NLGN4Y: variants seen among roughly 807,000 people sequenced by gnomAD.
NLGN4Y encodes the protein neuroligin-4, Y-linked.
In NLGN4Y, 4 loss-of-function variants were observed where a neutral mutation model predicts 8.4. The ratio of observed to expected loss-of-function variants is 0.48; its 90% CI spans 0.23 to 1.09. The LOEUF (loss-of-function observed/expected upper bound fraction) is 1.09. Ranked by LOEUF, NLGN4Y falls within the 50% of genes least tolerant of loss-of-function variation. The pLI, the probability that NLGN4Y is intolerant of heterozygous loss-of-function variation, is 0.19. For synonymous variants in NLGN4Y, 35 were observed against 75.6 expected, an observed-to-expected ratio of 0.46 and a Z score of 2.78; for missense variants, 90 against 192.3, an observed-to-expected ratio of 0.47 and a Z score of 3.15.
chrY:14,829,893 G>A lies in NLGN4Y; in HGVS notation c.1035G>A (p.Glu345=). Residue 345 remains glutamate, a synonymous_variant, in exon 6 of 7, where the codon GAG becomes GAA. Coordinates refer to ENST00000684976, the MANE Select transcript of NLGN4Y (RefSeq NM_001365588.1). The part of the protein sequence containing the change: ...VECLKNKNYK[E]LIQQTITPAT... ...GTCTGAAGAACAAGAACTACAAGGAGCTCATCCAGCAGACCATCACCCCGG... is the reference window on the plus strand; with the variant it reads ...GTCTGAAGAACAAGAACTACAAGGAACTCATCCAGCAGACCATCACCCCGG... 1 of 398,946 alleles carries A rather than the reference G, an allele frequency of 2.5e-6. No individual in the cohort carries two copies. Among genetic ancestry groups the A allele is most frequent in the Non-Finnish European group, 3.5e-6 (1 of 283,742 alleles).
chrY:14,717,104 C>G, intron 2 of NLGN4Y, among the ~76,000 whole-genome samples: 1 of 33,512 alleles, frequency 3.0e-5, no homozygotes, highest in Non-Finnish European at 7.4e-5. Context: ...CAAAAATTAA[C>G]CAGGGGCGGC....
intron 4 of NLGN4Y, among the ~76,000 whole-genome samples, chrY:14,754,898 G>T: frequency 3.1e-5 from 1 of 32,645 alleles, no homozygotes; most frequent in African/African-American, 1.2e-4. Context: ...TTTCTCACCA[G>T]TGTGCTTTGC....
chrY:14,639,024 G>A, intron 2 of NLGN4Y: 7 of 56,775 alleles, frequency 1.2e-4, no homozygotes, highest in South Asian at 9.6e-4. Context: ...TATGATTAGC[G>A]TCCTTGTAAG....
chrY:14,736,208 G>A (rs919959300), intron 4 of NLGN4Y, among the ~76,000 whole-genome samples: 1 of 33,484 alleles, frequency 3.0e-5, no homozygotes, highest in Non-Finnish European at 7.4e-5. Flanking sequence ...GAGACATGGA[G>A]TCAAAGAAGA....
intron 4 of NLGN4Y, among the ~76,000 whole-genome samples, chrY:14,814,622 C>T (rs2043094284): frequency 3.0e-5 from 1 of 32,996 alleles, no homozygotes; most frequent in African/African-American, 1.2e-4. Flanking sequence ...TTCCTGTAAA[C>T]ACTGGATGGC....
intron 2 of NLGN4Y, among the ~76,000 whole-genome samples, chrY:14,652,012 T>G (rs1603502066): frequency 3.0e-5 from 1 of 33,146 alleles, no homozygotes; most frequent in South Asian, 6.6e-4. Context: ...AATAGATTTA[T>G]AAGGTATCTA....
intron 2 of NLGN4Y, among the ~76,000 whole-genome samples, chrY:14,626,841 T>C: frequency 1.5e-4 from 5 of 32,818 alleles, no homozygotes; most frequent in African/African-American, 6.0e-4. Context: ...CCAGATTAGC[T>C]AGATATAGAG....
At chrY:14,550,082 C>T (rs2080186894) in intron 1 of NLGN4Y, among the ~76,000 whole-genome samples, 1 of 33,593 alleles carries the variant, frequency 3.0e-5, no homozygotes, top group Non-Finnish European at 7.4e-5. Flanking sequence ...CTGGCGTGTG[C>T]GTGCTTCCTG....
intron 4 of NLGN4Y, chrY:14,793,837 A>T: frequency 3.3e-5 from 1 of 29,935 alleles, no homozygotes; most frequent in African/African-American, 1.3e-4. Flanking sequence ...AGAGAAAAAA[A>T]ATATATAGCC....
At chrY:14,811,043 T>C (rs2043077080) in intron 4 of NLGN4Y, among the ~76,000 whole-genome samples, 1 of 33,526 alleles carries the variant, frequency 3.0e-5, no homozygotes, top group Non-Finnish European at 7.4e-5. Flanking sequence ...TCAACCAGCC[T>C]TACCTATCAA....
intron 4 of NLGN4Y, among the ~76,000 whole-genome samples, chrY:14,817,301 C>A: frequency 6.0e-5 from 2 of 33,571 alleles, no homozygotes; most frequent in Non-Finnish European, 1.5e-4. Context: ...TATTTGCCCT[C>A]TGGGTGTCCT....
At chrY:14,819,022 T>C in intron 4 of NLGN4Y, among the ~76,000 whole-genome samples, 1 of 33,303 alleles carries the variant, frequency 3.0e-5, no homozygotes. Flanking sequence ...GAATATATTT[T>C]CTTAAGGCCT....
chrY:14,786,516 C>T (rs1044954605), intron 4 of NLGN4Y, among the ~76,000 whole-genome samples: 2 of 32,585 alleles, frequency 6.1e-5, no homozygotes, highest in African/African-American at 1.2e-4. Context: ...ACCTTCCACC[C>T]TCAAGGAGGT....
chrY:14,737,126 T>G (rs2080993699), intron 4 of NLGN4Y, among the ~76,000 whole-genome samples: 1 of 33,289 alleles, frequency 3.0e-5, no homozygotes, highest in African/African-American at 1.2e-4. Context: ...TGTGTTCCAG[T>G]TTTCAAATGG....
At chrY:14,805,113 C>T (rs776501048) in intron 4 of NLGN4Y, among the ~76,000 whole-genome samples, 1 of 33,140 alleles carries the variant, frequency 3.0e-5, no homozygotes, top group Admixed American at 2.8e-4. Flanking sequence ...GTGCAATATC[C>T]AACGTGTGTT....
chrY:14,802,693 A>ATT, intron 4 of NLGN4Y, among the ~76,000 whole-genome samples: 2 of 10,818 alleles, frequency 1.8e-4, no homozygotes, highest in African/African-American at 7.8e-4. Context: ...TTTAAATTTA[A>ATT]ATAAATTTAA....
intron 4 of NLGN4Y, among the ~76,000 whole-genome samples, chrY:14,729,295 CA>C (rs2080964649): frequency 9.0e-5 from 3 of 33,214 alleles, no homozygotes; most frequent in Admixed American, 2.7e-4. Flanking sequence ...ATTTGATGGA[CA>C]TTTGGGTTCA....
chrY:14,692,060 T>C (rs1603502754), intron 2 of NLGN4Y, among the ~76,000 whole-genome samples: 2 of 32,353 alleles, frequency 6.2e-5, no homozygotes, highest in African/African-American at 2.4e-4. Context: ...TTAGATTATA[T>C]TGTACAATGA....
At chrY:14,568,115 C>T (rs2150479026) in intron 1 of NLGN4Y, among the ~76,000 whole-genome samples, 1 of 32,879 alleles carries the variant, frequency 3.0e-5, no homozygotes, top group Non-Finnish European at 7.5e-5. Context: ...AATGCTATCC[C>T]TCCCCACTCC....
Sources: allele counts gnomAD v4.1 joint callset (sites outside exome capture counted in the v4.1 genomes callset), GRCh38; gene constraint gnomAD v4.1.1; transcripts MANE v1.5; gene names NCBI Gene and HGNC (gene_info 2026-07-23, HGNC 2026-07-21).